Variants in GLCCI1 observed in about 807,000 individuals in gnomAD.
GLCCI1 encodes the protein glucocorticoid induced 1.
A neutral mutation model predicts 52.2 loss-of-function variants in GLCCI1; 24 were observed. The observed-to-expected ratio is 0.46, with a 90% CI of 0.33 to 0.65. The LOEUF is 0.65. Among genes scored for constraint, GLCCI1 ranks in the 30% least tolerant of loss-of-function variants. The pLI, the probability that GLCCI1 is intolerant of heterozygous loss-of-function variation, is 0.02. For missense variants in GLCCI1, 704 were observed against 701.5 expected, an observed-to-expected ratio of 1.00 and a Z score of -0.04; for synonymous variants, 310 against 276.5, an observed-to-expected ratio of 1.12 and a Z score of -1.20.
chr7:8,019,933 A>T (rs1781452190), intron 2 of GLCCI1, among the ~76,000 whole-genome samples: 1 of 152,178 alleles, frequency 6.6e-6, no homozygotes, highest in African/African-American at 2.4e-5. Context: ...TATTACCGTA[A>T]ACTACTGTAG....
At chr7:8,075,385 T>C (rs985895123) in intron 6 of GLCCI1, among the ~76,000 whole-genome samples, 3 of 152,338 alleles carry the variant, frequency 2.0e-5, no homozygotes, top group South Asian at 2.1e-4. Context: ...CTACTACTGC[T>C]CTTCTCTGTG....
intron 2 of GLCCI1, among the ~76,000 whole-genome samples, chr7:8,016,644 A>G (rs1781387859): frequency 6.6e-6 from 1 of 152,176 alleles, no homozygotes; most frequent in African/African-American, 2.4e-5. Flanking sequence ...ACCAGTATAA[A>G]CTAAGGGAAA....
chr7:8,076,493 A>G (rs1782879341), intron 6 of GLCCI1, among the ~76,000 whole-genome samples: 1 of 152,184 alleles, frequency 6.6e-6, no homozygotes, highest in South Asian at 2.1e-4. Context: ...AGATACATAC[A>G]TTCCAGTGTC....
intron 1 of GLCCI1, among the ~76,000 whole-genome samples, chr7:7,993,389 C>G (rs1040063559): frequency 6.6e-6 from 1 of 152,152 alleles, no homozygotes; most frequent in Non-Finnish European, 1.5e-5. Flanking sequence ...TGATTAGACT[C>G]TCAGTAATTT....
intron 6 of GLCCI1, among the ~76,000 whole-genome samples, chr7:8,072,339 G>T (rs926908189): frequency 6.6e-6 from 1 of 151,644 alleles, no homozygotes; most frequent in Non-Finnish European, 1.5e-5. Flanking sequence ...TTTCTATGTG[G>T]GTAGATCTTA....
At position 8,080,644 on chromosome 7, in the gene GLCCI1, A is replaced by G. The variant is rs140827813; in HGVS notation, c.1178-4253A>G. 9.5e-4 allele frequency among the ~76,000 whole-genome samples: 144 copies of G among 151,436 alleles called. 3 individuals are homozygous for G. The highest frequency in any genetic ancestry group is 2.0e-3 in the Admixed American group (31 of 15,268). On this transcript the variant is annotated intron_variant, in intron 6 of 7. Transcript: ENST00000223145. ...CTGTATGTACCGGAGTAGAGTACACAAATCTATTGAAAACATTTCCTTTAC... is the reference window on the plus strand; with the variant it reads ...CTGTATGTACCGGAGTAGAGTACACGAATCTATTGAAAACATTTCCTTTAC...
At chr7:7,978,384 C>T (rs966819668) in intron 1 of GLCCI1, among the ~76,000 whole-genome samples, 5 of 152,124 alleles carry the variant, frequency 3.3e-5, no homozygotes, top group Admixed American at 6.5e-5. Context: ...TCTTTTTATA[C>T]AACACTGTCA....
intron 2 of GLCCI1, among the ~76,000 whole-genome samples, chr7:8,016,111 C>G (rs1457969479): frequency 6.6e-6 from 1 of 152,140 alleles, no homozygotes; most frequent in Non-Finnish European, 1.5e-5. Flanking sequence ...ATGAAAAATT[C>G]CTGTGATAAT....
chr7:7,981,176 A>G, intron 1 of GLCCI1: 1 of 380,356 alleles, frequency 2.6e-6, no homozygotes, highest in Non-Finnish European at 5.0e-6. Context: ...TACTCTCTAG[A>G]TTTGGGCCAA....
chr7:8,005,680 TG>T (rs1265792832), intron 2 of GLCCI1, among the ~76,000 whole-genome samples: 1 of 152,180 alleles, frequency 6.6e-6, no homozygotes, highest in African/African-American at 2.4e-5. Context: ...CCTAGTGCTG[TG>T]ACACTGCACT....
At chr7:7,985,699 A>G (rs1780709977) in intron 1 of GLCCI1, among the ~76,000 whole-genome samples, 1 of 152,204 alleles carries the variant, frequency 6.6e-6, no homozygotes, top group African/African-American at 2.4e-5. Context: ...GTTATTTGGT[A>G]AGGTGTAAGT....
intron 3 of GLCCI1, among the ~76,000 whole-genome samples, chr7:8,037,495 C>G (rs7799990): frequency 0.052 from 7,905 of 152,180 alleles, 543 homozygotes; most frequent in African/African-American, 0.15. Flanking sequence ...ACTGAGACTA[C>G]AAAGCAACTA....
At chr7:8,064,058 T>G (rs1782577107) in intron 5 of GLCCI1, among the ~76,000 whole-genome samples, 1 of 152,238 alleles carries the variant, frequency 6.6e-6, no homozygotes, top group South Asian at 2.1e-4. Context: ...AGGTTGTCTG[T>G]GTACTCTGTT....
chr7:8,014,395 G>A (rs967916160), intron 2 of GLCCI1, among the ~76,000 whole-genome samples: 4 of 152,158 alleles, frequency 2.6e-5, no homozygotes, highest in African/African-American at 4.8e-5. Flanking sequence ...TTTGTTATAC[G>A]TAGAGTACAC....
chr7:8,022,666 A>T (rs1262972490), intron 3 of GLCCI1, 97 bp downstream of exon 3: 1 of 582,142 alleles, frequency 1.7e-6, no homozygotes, highest in African/African-American at 2.0e-5. Context: ...ATTTATCCTA[A>T]CCTTACCTCT....
intron 1 of GLCCI1, among the ~76,000 whole-genome samples, chr7:7,985,876 A>G (rs1364210345): frequency 6.6e-6 from 1 of 152,200 alleles, no homozygotes; most frequent in Non-Finnish European, 1.5e-5. Context: ...TTTTGAGTGG[A>G]AGATTATGTT....
intron 1 of GLCCI1, among the ~76,000 whole-genome samples, chr7:7,996,226 T>C (rs1780934627): frequency 6.6e-6 from 1 of 152,244 alleles, no homozygotes; most frequent in Non-Finnish European, 1.5e-5. Context: ...ACTTCTTTAG[T>C]ATATGAACTC....
chr7:7,993,721 G>T, intron 1 of GLCCI1, among the ~76,000 whole-genome samples: 1 of 151,650 alleles, frequency 6.6e-6, no homozygotes, highest in East Asian at 1.9e-4. Flanking sequence ...GTTTTGTGGA[G>T]ATATTTTGTG....
chr7:8,022,961 C>A (rs944298588), intron 3 of GLCCI1, among the ~76,000 whole-genome samples: 4 of 152,152 alleles, frequency 2.6e-5, no homozygotes, highest in Non-Finnish European at 4.4e-5. Context: ...TAAGTTGTAG[C>A]AACCAGAGCT....
Sources: gnomAD v4.1 joint callset for allele counts (sites outside exome capture counted in the v4.1 genomes callset) on GRCh38, gnomAD v4.1.1 for gene constraint, MANE v1.5 for transcripts, NCBI Gene and HGNC (gene_info 2026-07-23, HGNC 2026-07-21) for gene names.